The following DLG2 variants were observed in gnomAD, a reference collection of about 807,000 sequenced individuals.
DLG2 encodes the protein discs large MAGUK scaffold protein 2, also known as disks large homolog 2.
Under a neutral mutation model 132.5 loss-of-function variants are expected in DLG2, and 45 were observed. The observed-to-expected ratio is 0.34, with a 90% confidence interval of 0.27 to 0.44. The LOEUF (loss-of-function observed/expected upper bound fraction) is 0.44, where lower values mean the gene tolerates loss of function less well. Among genes scored for constraint, DLG2 ranks in the 20% least tolerant of loss-of-function variants. The pLI is 1.00. For synonymous variants in DLG2, 424 were observed against 419.6 expected (o/e 1.01, Z -0.13); for missense variants, 1,045 against 1,196.9 (o/e 0.87, Z 1.87).
chr11:84,711,226 G>A (rs1271826528), intron 6 of DLG2, among the ~76,000 whole-genome samples: 1 of 151,230 alleles, frequency 6.6e-6, no homozygotes, highest in East Asian at 2.0e-4. Flanking sequence ...CAGCTTCTCT[G>A]TACCTTACTA....
intron 18 of DLG2, among the ~76,000 whole-genome samples, chr11:83,743,094 G>A (rs2092650843): frequency 6.6e-6 from 1 of 152,138 alleles, no homozygotes; most frequent in Non-Finnish European, 1.5e-5. Context: ...ACCAAGACTA[G>A]GGTAATCTTC....
intron 6 of DLG2, chr11:84,720,530 G>A: frequency 4.1e-6 from 4 of 979,226 alleles, no homozygotes; most frequent in Non-Finnish European, 4.9e-6. Context: ...CCATCCCGGA[G>A]CCCCGGTGGA....
rs147049117 is a variant in DLG2 at position 83,887,074 on chromosome 11, C to T, written c.1497-12586G>A. On this transcript the variant is annotated intron_variant, in intron 15 of 27. Transcript: ENST00000376104. ...AAGAGCAAACACATTTGAAAGCTAG[C>T]ATAAGGCGAGAAATAACTAAGATCA... Among the ~76,000 whole-genome samples the T allele has an allele frequency of 5.7e-3, 871 of 152,262 alleles. 7 individuals carry two copies. Among genetic ancestry groups the T allele is most frequent in the African/African-American group, 0.02 (825 of 41,538 alleles).
chr11:84,086,923 C>T (rs969197739), intron 10 of DLG2, among the ~76,000 whole-genome samples: 1 of 152,160 alleles, frequency 6.6e-6, no homozygotes, highest in African/African-American at 2.4e-5. Context: ...TAATATGTGG[C>T]CTTTTTTGTC....
At chr11:84,371,348 G>A (rs953708980) in intron 7 of DLG2, among the ~76,000 whole-genome samples, 6 of 151,452 alleles carry the variant, frequency 4.0e-5, no homozygotes, top group African/African-American at 1.5e-4. Flanking sequence ...AACCACCCAG[G>A]CTCAGGGGAT....
chr11:85,482,955 G>A (rs550389672), intron 3 of DLG2, among the ~76,000 whole-genome samples: 1 of 152,240 alleles, frequency 6.6e-6, no homozygotes, highest in Admixed American at 6.5e-5. Context: ...TAAGATATCT[G>A]ATATATAGGA....
At chr11:84,620,832 C>G (rs1311964318) in intron 6 of DLG2, among the ~76,000 whole-genome samples, 1 of 152,040 alleles carries the variant, frequency 6.6e-6, no homozygotes, top group Non-Finnish European at 1.5e-5. Context: ...AACCATATGA[C>G]TTAGTAATTT....
intron 3 of DLG2, among the ~76,000 whole-genome samples, chr11:85,323,193 G>C (rs377719006): frequency 6.6e-6 from 1 of 152,074 alleles, no homozygotes; most frequent in African/African-American, 2.4e-5. Flanking sequence ...CCTAATATTA[G>C]TATTCTACCC....
intron 19 of DLG2, among the ~76,000 whole-genome samples, chr11:83,611,242 A>C (rs1219606652): frequency 6.6e-6 from 1 of 152,150 alleles, no homozygotes; most frequent in African/African-American, 2.4e-5. Context: ...AGCCCTTTTG[A>C]ACGTAAAAGG....
intron 17 of DLG2, among the ~76,000 whole-genome samples, chr11:83,820,744 G>C (rs1003359503): frequency 2.6e-5 from 4 of 152,146 alleles, no homozygotes; most frequent in African/African-American, 9.7e-5. Flanking sequence ...CATTTGAAAA[G>C]CACAGCAAAT....
chr11:84,519,470 CACTA>C (rs1022340873), intron 7 of DLG2, among the ~76,000 whole-genome samples: 1 of 152,170 alleles, frequency 6.6e-6, no homozygotes, highest in African/African-American at 2.4e-5. Context: ...AAGCTTATGG[CACTA>C]ACTAATAAAC....
chr11:84,417,441 A>T (rs2098933698), intron 7 of DLG2, among the ~76,000 whole-genome samples: 1 of 152,126 alleles, frequency 6.6e-6, no homozygotes, highest in Non-Finnish European at 1.5e-5. Flanking sequence ...ACTAAAGTCC[A>T]TCTCTTTCCC....
intron 3 of DLG2, among the ~76,000 whole-genome samples, chr11:85,501,869 A>G (rs1371693444): frequency 6.6e-6 from 1 of 152,206 alleles, no homozygotes; most frequent in African/African-American, 2.4e-5. Flanking sequence ...GCAATTCTGT[A>G]AGGATCTAGA....
intron 22 of DLG2, among the ~76,000 whole-genome samples, chr11:83,481,441 A>C (rs182568713): frequency 6.6e-6 from 1 of 152,272 alleles, no homozygotes; most frequent in Admixed American, 6.6e-5. Flanking sequence ...GTTTTTTAAA[A>C]AGTGACAATA....
intron 18 of DLG2, among the ~76,000 whole-genome samples, chr11:83,701,903 T>C (rs1348096798): frequency 2.0e-5 from 3 of 152,372 alleles, no homozygotes; most frequent in Admixed American, 2.0e-4. Context: ...AGGAAGTTTC[T>C]GTAATTTGGT....
chr11:84,037,356 A>C (rs1593664926), intron 11 of DLG2, among the ~76,000 whole-genome samples: 1 of 152,156 alleles, frequency 6.6e-6, no homozygotes, highest in Admixed American at 6.6e-5. Flanking sequence ...AGAATAGAGT[A>C]TCAAAGAAGA....
intron 18 of DLG2, among the ~76,000 whole-genome samples, chr11:83,709,683 G>C (rs1236308729): frequency 6.6e-6 from 1 of 152,164 alleles, no homozygotes; most frequent in African/African-American, 2.4e-5. Context: ...GCCTTGGCTT[G>C]TTTCAGAAGG....
chr11:84,959,732 G>A (rs2052257000), intron 6 of DLG2, among the ~76,000 whole-genome samples: 1 of 152,206 alleles, frequency 6.6e-6, no homozygotes, highest in Non-Finnish European at 1.5e-5. Flanking sequence ...CGACTATAAT[G>A]TTAATTAGTC....
At chr11:85,154,168 C>A (rs1185622313) in intron 5 of DLG2, among the ~76,000 whole-genome samples, 5 of 143,918 alleles carry the variant, frequency 3.5e-5, no homozygotes, top group South Asian at 2.3e-4. Context: ...AAAACAGTCT[C>A]ATTGCCAAAT....
Sources: allele counts gnomAD v4.1 joint callset (sites outside exome capture counted in the v4.1 genomes callset), GRCh38; gene constraint gnomAD v4.1.1; transcripts MANE v1.5; gene names NCBI Gene and HGNC (gene_info 2026-07-23, HGNC 2026-07-21).